MAP3K21: variants seen among roughly 807,000 people sequenced by gnomAD.
MAP3K21 encodes mitogen-activated protein kinase kinase kinase MLK4.
MAP3K21 carries 63 observed loss-of-function variants against 86.1 expected under a neutral mutation model. The ratio of observed to expected loss-of-function variants is 0.73; its 90% confidence interval spans 0.60 to 0.90. MAP3K21 has a LOEUF of 0.90. MAP3K21 is among the 40% of genes least tolerant of loss of function. The probability of loss-of-function intolerance (pLI) is 0.00; values close to 1 mark genes in which losing one functional copy is unlikely to be tolerated. For synonymous variants in MAP3K21, 558 were observed against 564.8 expected (o/e 0.99, Z 0.17); for missense variants, 1,220 against 1,367.7 (o/e 0.89, Z 1.70).
At position 233,354,823 on chromosome 1, in the gene MAP3K21, T is replaced by A. The variant is rs770154899; in HGVS notation, c.1136-13T>A. On this transcript the variant is annotated splice_polypyrimidine_tract_variant and intron_variant, in intron 3 of 9. Coordinates refer to ENST00000366624, the MANE Select transcript of MAP3K21 (RefSeq NM_032435.3). Reference sequence around the variant, plus strand: ...TTGAGAGATGGTATTAATGTGATTTTTGTTTATTTTAGAATGCTGGCAACA... The same window carrying A: ...TTGAGAGATGGTATTAATGTGATTTATGTTTATTTTAGAATGCTGGCAACA... 1.9e-5 allele frequency: 27 copies of A among 1,453,842 alleles called. No individual in the cohort carries two copies. The highest frequency in any genetic ancestry group is 1.8e-4 in the Middle Eastern group (1 of 5,680). 90.1% of individuals were successfully genotyped at this position (1,453,842 alleles called of 1,614,324 possible).
At chr1:233,332,578 T>C (rs993264916) in intron 1 of MAP3K21, among the ~76,000 whole-genome samples, 11 of 152,104 alleles carry the variant, frequency 7.2e-5, no homozygotes, top group Non-Finnish European at 1.6e-4. Context: ...GCTCAAGTGA[T>C]GGCTTTCAAG....
chr1:233,328,094 C>T lies in MAP3K21; in HGVS notation c.66C>T (p.Gly22=). Residue 22 remains glycine, a synonymous_variant, in exon 1 of 10, where the codon GGC becomes GGT. Transcript: ENST00000366624. This position sits in a 1 kb window ranked among gnomAD's most constrained non-coding sequence, Gnocchi z 8.7. ...TGTCCTCGGCCGGGGGAGCCCCCGG[C>T]GGCTCAGCGTCCTCGTCGTCCACCT... ...TPVSSAGGAP[G]GSASSSSTSS... 2 of 1,368,194 alleles carry T rather than the reference C, an allele frequency of 1.5e-6. No homozygotes were observed. Among genetic ancestry groups the T allele is most frequent in the Non-Finnish European group, 9.4e-7 (1 of 1,067,466 alleles). The allele number at this position is 1,368,194 out of a possible 1,614,324, so 84.8% of individuals were successfully genotyped here.
At chr1:233,341,985 A>T (rs1663046306) in intron 1 of MAP3K21, among the ~76,000 whole-genome samples, 1 of 152,190 alleles carries the variant, frequency 6.6e-6, no homozygotes, top group Non-Finnish European at 1.5e-5. Flanking sequence ...TGATGAAAAA[A>T]AAAAGCTAAT....
At chr1:233,345,635 G>A (rs895951647) in intron 1 of MAP3K21, among the ~76,000 whole-genome samples, 1 of 151,948 alleles carries the variant, frequency 6.6e-6, no homozygotes, top group Non-Finnish European at 1.5e-5. Context: ...TAATGTAAAT[G>A]ACGAGTTAAT....
intron 1 of MAP3K21, among the ~76,000 whole-genome samples, chr1:233,334,882 A>G (rs1299541388): frequency 6.6e-6 from 1 of 152,202 alleles, no homozygotes; most frequent in Non-Finnish European, 1.5e-5. Context: ...TTTATCATTT[A>G]CAATTCAAGC....
chr1:233,375,161 C>G (rs1448862029), intron 6 of MAP3K21, among the ~76,000 whole-genome samples: 1 of 151,976 alleles, frequency 6.6e-6, no homozygotes, highest in African/African-American at 2.4e-5. Context: ...CCAGGCTGGT[C>G]TCGAAGTCCT....
At chr1:233,377,101 G>GATAAATAAATAA (rs57896561) in intron 8 of MAP3K21, among the ~76,000 whole-genome samples, 3,132 of 150,972 alleles carry the variant, frequency 0.021, 163 homozygotes, top group Admixed American at 0.11. Flanking sequence ...TCTATCTCTA[G>GATAAATAAATAA]ATAAATAAAT....
intron 6 of MAP3K21, among the ~76,000 whole-genome samples, chr1:233,374,930 C>T (rs189258541): frequency 1.5e-4 from 22 of 150,668 alleles, no homozygotes; most frequent in East Asian, 1.4e-3. Flanking sequence ...GCAATTTTCC[C>T]CAGTGATTTC....
In MAP3K21 at chr1:233,375,030, C is replaced by T. The variant is rs1184735031; in HGVS notation, c.1676-886C>T. Among the ~76,000 whole-genome samples, 5 of 151,630 alleles carry T rather than the reference C, an allele frequency of 3.3e-5. No individual in the cohort carries two copies. In the East Asian group the frequency reaches 7.7e-4, roughly 23 times the overall value. Reference sequence around the variant, plus strand: ...GATCTCGGATCACTGCAACTTCTGCCACCTGGGTTCAAGCAATTCTCCTGC... The same window carrying T: ...GATCTCGGATCACTGCAACTTCTGCTACCTGGGTTCAAGCAATTCTCCTGC... On this transcript the variant is annotated intron_variant, in intron 6 of 9. Coordinates refer to ENST00000366624, the MANE Select transcript of MAP3K21 (RefSeq NM_032435.3).
At chr1:233,375,153 A>G (rs548365623) in intron 6 of MAP3K21, among the ~76,000 whole-genome samples, 2 of 152,116 alleles carry the variant, frequency 1.3e-5, no homozygotes, top group East Asian at 3.9e-4. Context: ...CATGTTGGCC[A>G]GGCTGGTCTC....
intron 2 of MAP3K21, 43 bp downstream of exon 2, chr1:233,346,665 A>G (rs974684767): frequency 6.4e-7 from 1 of 1,555,080 alleles, no homozygotes; most frequent in South Asian, 1.1e-5. Context: ...ACTGCTTGCT[A>G]TGCTTTATTT....
intron 5 of MAP3K21, among the ~76,000 whole-genome samples, chr1:233,365,718 A>T (rs1663560015): frequency 6.6e-6 from 1 of 152,192 alleles, no homozygotes; most frequent in Admixed American, 6.5e-5. Context: ...TTTAAATCTT[A>T]TGGCTATCTA....
intron 1 of MAP3K21, among the ~76,000 whole-genome samples, chr1:233,340,763 T>G (rs4649301): frequency 0.42 from 63,461 of 152,018 alleles, 14,310 homozygotes; most frequent in African/African-American, 0.55. Context: ...TAAAGTTTCA[T>G]GAAGTTTTTT....
chr1:233,348,356 G>A (rs1454327782), intron 2 of MAP3K21, among the ~76,000 whole-genome samples: 3 of 152,166 alleles, frequency 2.0e-5, no homozygotes, highest in Non-Finnish European at 1.5e-5. Context: ...GAGTATTACT[G>A]TACCACATCT....
At position 233,365,501 on chromosome 1, in the gene MAP3K21, AATGGCCAGCAAGCAT is replaced by A. The variant is rs1663556862; in HGVS notation, c.1552+3212_1552+3226del. ...GACATTTCTCAAAAGAAGACATAAAAATGGCCAGCAAGCATATGAAAAAATGCTTAGCATCGCTAA... is the reference window on the plus strand; with the variant it reads ...GACATTTCTCAAAAGAAGACATAAAAATGAAAAAATGCTTAGCATCGCTAA... On this transcript the variant is annotated intron_variant, in intron 5 of 9. Transcript: ENST00000366624. 3.9e-5 allele frequency among the ~76,000 whole-genome samples: 6 copies of A among 152,338 alleles called. No homozygotes were observed. The South Asian group carries it at 1.0e-3, about 26-fold the overall frequency.
At chr1:233,348,360 C>T (rs958362132) in intron 2 of MAP3K21, among the ~76,000 whole-genome samples, 2 of 152,134 alleles carry the variant, frequency 1.3e-5, no homozygotes, top group Non-Finnish European at 1.5e-5. Flanking sequence ...ATTACTGTAC[C>T]ACATCTTGTT....
At chr1:233,342,826 T>C (rs114872191) in intron 1 of MAP3K21, among the ~76,000 whole-genome samples, 3,258 of 152,258 alleles carry the variant, frequency 0.021, 122 homozygotes, top group African/African-American at 0.074. Context: ...TCCCTCCCCA[T>C]GTAGTATAGC....
intron 2 of MAP3K21, among the ~76,000 whole-genome samples, chr1:233,349,431 A>G (rs968592457): frequency 6.6e-6 from 1 of 152,200 alleles, no homozygotes; most frequent in African/African-American, 2.4e-5. Context: ...CTATGTAATT[A>G]CCAGGTATAC....
At chr1:233,352,753 A>T (rs950696083) in intron 2 of MAP3K21, among the ~76,000 whole-genome samples, 1 of 152,190 alleles carries the variant, frequency 6.6e-6, no homozygotes, top group Non-Finnish European at 1.5e-5. Flanking sequence ...TTGACAAGAC[A>T]GTGTTACTTA....
Sources: gnomAD v4.1 joint callset for allele counts (sites outside exome capture counted in the v4.1 genomes callset) on GRCh38, gnomAD v4.1.1 for gene constraint, Gnocchi (gnomAD v3.1) non-coding constraint, MANE v1.5 for transcripts, NCBI Gene and HGNC (gene_info 2026-07-23, HGNC 2026-07-21) for gene names.